EDN3: variants seen among roughly 807,000 people sequenced by gnomAD.
EDN3 encodes the protein endothelin 3.
EDN3 carries 9 observed loss-of-function variants against 21.4 expected under a neutral mutation model. That is an observed-to-expected ratio of 0.42 (90% CI 0.25 to 0.73). The LOEUF is 0.73. Ranked by LOEUF, EDN3 falls within the 30% of genes least tolerant of loss-of-function variation. The pLI is 0.26. For missense variants in EDN3, 327 were observed against 309.4 expected (o/e 1.06, Z -0.43); for synonymous variants, 133 against 126.2 (o/e 1.05, Z -0.36).
chr20:59,310,971 T>C (rs1208761324), intron 2 of EDN3, among the ~76,000 whole-genome samples: 1 of 152,098 alleles, frequency 6.6e-6, no homozygotes, highest in East Asian at 1.9e-4. Context: ...CTCCCTCATG[T>C]ACAAACTTTC....
At chr20:59,310,969 T>C (rs1020726418) in intron 2 of EDN3, among the ~76,000 whole-genome samples, 5 of 151,984 alleles carry the variant, frequency 3.3e-5, no homozygotes, top group African/African-American at 1.2e-4. Flanking sequence ...CACTCCCTCA[T>C]GTACAAACTT....
intron 2 of EDN3, among the ~76,000 whole-genome samples, chr20:59,312,282 G>A (rs1444676128): frequency 6.6e-6 from 1 of 152,154 alleles, no homozygotes; most frequent in African/African-American, 2.4e-5. Context: ...CATTTTGGTT[G>A]TACCAGATGG....
intron 3 of EDN3, 147 bp downstream of exon 3, chr20:59,321,340 TG>T: frequency 1.0e-6 from 1 of 987,350 alleles, no homozygotes; most frequent in South Asian, 1.3e-5. Context: ...AAGGAGGTGC[TG>T]AGCCCAGAAA....
chr20:59,309,156 C>T (rs778150575), intron 2 of EDN3, among the ~76,000 whole-genome samples: 5 of 152,164 alleles, frequency 3.3e-5, no homozygotes, highest in Non-Finnish European at 5.9e-5. Flanking sequence ...TGGGGCATGG[C>T]GCTCTTTGCG....
At chr20:59,301,913 C>T (rs150534770) in intron 2 of EDN3, among the ~76,000 whole-genome samples, 191 bp downstream of exon 2, 1 of 152,252 alleles carries the variant, frequency 6.6e-6, no homozygotes, top group Non-Finnish European at 1.5e-5. Context: ...TGACCCACAT[C>T]CCCCCTGAGG....
rs267606028 is a variant in EDN3 at position 59,301,719 on chromosome 20, C to G, written c.362C>G (p.Pro121Arg). 1 of 1,614,104 alleles carries G rather than the reference C, an allele frequency of 6.2e-7. No homozygotes were observed. Among genetic ancestry groups the G allele is most frequent in the Non-Finnish European group, 8.5e-7 (1 of 1,179,962 alleles). The change falls in exon 2 of 5, where the codon CCC (proline) becomes CGC (arginine). Residue 121 changes from proline to arginine, a missense_variant. By Grantham distance (103) the Pro-to-Arg change is moderately radical (BLOSUM62 -2). Coordinates refer to ENST00000337938, the MANE Select transcript of EDN3 (RefSeq NM_207034.3). The part of the protein sequence containing the change: ...CHLDIIWINT[P>R]EQTVPYGLSN... ...CTGGACATCATTTGGATCAACACTCCCGAGTAAGTCAGCCTTTTGTGGTGA... is the reference window on the plus strand; with the variant it reads ...CTGGACATCATTTGGATCAACACTCGCGAGTAAGTCAGCCTTTTGTGGTGA...
chr20:59,312,561 A>T lies in EDN3; in HGVS notation c.366-8456A>T, dbSNP rs554058922. On this transcript the variant is annotated intron_variant, in intron 2 of 4. Transcript: ENST00000337938. ...AGATGATAAATGCTGCGACTTTGAGATTCTTTTTAATCTCAGCCTTATGGT... is the reference window on the plus strand; with the variant it reads ...AGATGATAAATGCTGCGACTTTGAGTTTCTTTTTAATCTCAGCCTTATGGT... Among the ~76,000 whole-genome samples the T allele has an allele frequency of 2.0e-4, 31 of 152,232 alleles. 1 individual carries two copies. Among genetic ancestry groups the T allele is most frequent in the South Asian group, 1.7e-3 (8 of 4,816 alleles).
chr20:59,300,857 C>T lies in EDN3; in HGVS notation c.45C>T (p.Ser15=). The change falls in exon 1 of 5, where the codon TCC becomes TCT. Residue 15 remains serine (S), a synonymous_variant. Transcript: ENST00000337938. The stretch of plus-strand genomic sequence containing the variant: ...TCCTTTTCGGGCTCACAGTGACCTC[C>T]GCCGCAGGTAAGCGCACGGGGCGGC... ...LWLLFGLTVT[S]AAGFVPCSQS... The T allele has an allele frequency of 6.2e-7, 1 of 1,611,248 alleles. No individual in the cohort carries two copies. Among genetic ancestry groups the T allele is most frequent in the South Asian group, 1.1e-5 (1 of 91,012 alleles).
chr20:59,315,356 G>C (rs1242233873), intron 2 of EDN3, among the ~76,000 whole-genome samples: 1 of 152,224 alleles, frequency 6.6e-6, no homozygotes, highest in Non-Finnish European at 1.5e-5. Flanking sequence ...AAGTCACAGA[G>C]CCATGCTTTC....
In EDN3 at chr20:59,302,775, C is replaced by G. The variant is rs184928713; in HGVS notation, c.365+1053C>G. ...AAGCCCCTGGAAGCCTGGAAAGGCA[C>G]CTTTGCCACCGTGTCCCGGAGCCGT... On this transcript the variant is annotated intron_variant, in intron 2 of 4. Transcript: ENST00000337938. Among the ~76,000 whole-genome samples, 6 of 152,234 alleles carry G rather than the reference C, an allele frequency of 3.9e-5. No individual in the cohort carries two copies. The East Asian group carries it at 1.2e-3, about 29-fold the overall frequency.
chr20:59,301,468 C>T lies in EDN3; in HGVS notation c.111C>T (p.Pro37=). 1 of 1,613,558 alleles carries T rather than the reference C, an allele frequency of 6.2e-7. No homozygotes were observed. The highest frequency in any genetic ancestry group is 8.5e-7 in the Non-Finnish European group (1 of 1,180,018). ...DAGRRGVSQA[P]TAARSEGDCE... is the part of the protein sequence containing the mutation. The stretch of plus-strand genomic sequence containing the variant: ...GCAGGCGCGGCGTGTCCCAGGCCCC[C>T]ACTGCAGCCAGATCTGAGGGGGACT... The change falls in exon 2 of 5, where the codon CCC becomes CCT. Residue 37 remains proline (P), a synonymous_variant. Coordinates refer to ENST00000337938, the MANE Select transcript of EDN3 (RefSeq NM_207034.3).
chr20:59,314,547 G>T (rs959978859), intron 2 of EDN3, among the ~76,000 whole-genome samples: 5 of 152,238 alleles, frequency 3.3e-5, no homozygotes, highest in African/African-American at 1.2e-4. Flanking sequence ...GGGCGGGGCT[G>T]CTTGGCAAAT....
intron 1 of EDN3, among the ~76,000 whole-genome samples, chr20:59,301,100 G>T (rs260741): frequency 9.2e-5 from 14 of 152,156 alleles, no homozygotes; most frequent in African/African-American, 3.4e-4. Context: ...TGCCTGGGCC[G>T]ACTTGGTCAA....
At chr20:59,313,910 G>A (rs1167113862) in intron 2 of EDN3, among the ~76,000 whole-genome samples, 1 of 152,222 alleles carries the variant, frequency 6.6e-6, no homozygotes, top group Non-Finnish European at 1.5e-5. Flanking sequence ...CACCCCATGG[G>A]CTGTCTGGCA....
chr20:59,301,002 G>C (rs928378762), intron 1 of EDN3, 138 bp downstream of exon 1: 1 of 1,066,234 alleles, frequency 9.4e-7, no homozygotes, highest in East Asian at 2.6e-5. Context: ...GAAGACGCCT[G>C]GGGGAGGGCT....
chr20:59,315,459 T>C (rs1381531510), intron 2 of EDN3, among the ~76,000 whole-genome samples: 2 of 152,250 alleles, frequency 1.3e-5, no homozygotes, highest in African/African-American at 4.8e-5. Flanking sequence ...GATCATCAAC[T>C]TGACATGTAT....
chr20:59,301,379 G>A (rs767102415), intron 1 of EDN3, 31 bp from the exon 2 acceptor site: 2 of 1,601,560 alleles, frequency 1.2e-6, no homozygotes, highest in Middle Eastern at 2.0e-4. Context: ...TGCACACTCA[G>A]CTTAGGAGCC....
rs57144708 is a variant in EDN3, at chr20:59,306,595, TAA to T, written c.365+4896_365+4897del. ...TTTTCTCCCCTAAATGCATAAAGAG[TAA>T]AAAAAAAAAAAAAAAAAAAAAAGCA... is the stretch of plus-strand genomic sequence containing the variant. On this transcript the variant is annotated intron_variant, in intron 2 of 4. Transcript: ENST00000337938. Among the ~76,000 whole-genome samples the T allele has an allele frequency of 1.4e-3, 88 of 62,440 alleles. 1 individual carries two copies. Among genetic ancestry groups the T allele is most frequent in the South Asian group, 0.014 (31 of 2,262 alleles). The allele number at this position is 62,440 out of a possible 152,430, so 41.0% of individuals were successfully genotyped here. A position where few individuals can be genotyped will look rare whatever the true frequency, so the allele number is the denominator to read the frequency against.
At chr20:59,320,280 G>A (rs565619182) in intron 2 of EDN3, among the ~76,000 whole-genome samples, 3 of 152,324 alleles carry the variant, frequency 2.0e-5, no homozygotes, top group African/African-American at 7.2e-5. Context: ...ACTTTCAAAG[G>A]CCGGGATGCA....
Sources: allele counts gnomAD v4.1 joint callset (sites outside exome capture counted in the v4.1 genomes callset), GRCh38; gene constraint gnomAD v4.1.1; transcripts MANE v1.5; gene names NCBI Gene and HGNC (gene_info 2026-07-23, HGNC 2026-07-21).